The following EML4 variants were observed in gnomAD, a reference collection of about 807,000 sequenced individuals.
EML4 encodes EMAP like 4.
EML4 carries 72 observed loss-of-function variants against 129.0 expected under a neutral mutation model. The observed-to-expected ratio is 0.56, with a 90% CI of 0.46 to 0.68. The LOEUF (loss-of-function observed/expected upper bound fraction) is 0.68. EML4 is among the 30% of genes least tolerant of loss of function. The pLI, the probability that EML4 is intolerant of heterozygous loss-of-function variation, is 0.00. For synonymous variants in EML4, 532 were observed against 405.0 expected (o/e 1.31, Z -3.77); for missense variants, 1,363 against 1,190.6 (o/e 1.14, Z -2.13).
In EML4 at chr2:42,208,301, C is replaced by A. The variant is rs930747329; in HGVS notation, c.26-37204C>A. On this transcript the variant is annotated intron_variant, in intron 1 of 22. Coordinates refer to ENST00000318522, the MANE Select transcript of EML4 (RefSeq NM_019063.5). ...AATTTTGCCTTACATCATTTAGAACCAGATTTTTTTAAAGTTCTGATTTTG... is the reference window on the plus strand; with the variant it reads ...AATTTTGCCTTACATCATTTAGAACAAGATTTTTTTAAAGTTCTGATTTTG... Among the ~76,000 whole-genome samples, 13 of 151,902 alleles carry A rather than the reference C, an allele frequency of 8.6e-5. No individual in the cohort carries two copies. The East Asian group carries it at 1.9e-3, about 23-fold the overall frequency.
At chr2:42,233,312 T>TC (rs201820883) in intron 1 of EML4, among the ~76,000 whole-genome samples, 76 of 149,020 alleles carry the variant, frequency 5.1e-4, no homozygotes, top group African/African-American at 1.1e-3. Flanking sequence ...TTTCTTTCTT[T>TC]TTTTTTTTTT....
rs185964503 is a variant in EML4 at position 42,238,563 on chromosome 2, T to G, written c.26-6942T>G. On this transcript the variant is annotated intron_variant, in intron 1 of 22. Transcript: ENST00000318522. ...TTCAAGACCAGCTTGGGCAATATTG[T>G]GAGACCCATCTCTACAAAAAAGAAA... Among the ~76,000 whole-genome samples, 572 of 152,324 alleles carry G rather than the reference T, an allele frequency of 3.8e-3. 4 individuals carry two copies. Among genetic ancestry groups the G allele is most frequent in the African/African-American group, 0.013 (536 of 41,568 alleles).
At chr2:42,208,252 C>T (rs1386338099) in intron 1 of EML4, among the ~76,000 whole-genome samples, 3 of 152,078 alleles carry the variant, frequency 2.0e-5, no homozygotes, top group Admixed American at 2.0e-4. Flanking sequence ...AATTTTCATT[C>T]TCAAACCTAC....
At chr2:42,281,397 GAAA>G (rs60523483) in intron 7 of EML4, among the ~76,000 whole-genome samples, 1 of 112,088 alleles carries the variant, frequency 8.9e-6, no homozygotes, top group African/African-American at 3.1e-5. Context: ...TGTCTCAAAA[GAAA>G]AAAAAAAAAA....
chr2:42,287,597 C>A (rs1333315394), intron 10 of EML4, among the ~76,000 whole-genome samples: 1 of 152,080 alleles, frequency 6.6e-6, no homozygotes, highest in South Asian at 2.1e-4. Flanking sequence ...TTTTAAAAAG[C>A]ATTTAATATC....
chr2:42,229,771 G>C (rs190407632), intron 1 of EML4, among the ~76,000 whole-genome samples: 3 of 152,086 alleles, frequency 2.0e-5, no homozygotes, highest in African/African-American at 7.2e-5. Context: ...CCACTAATGC[G>C]AGAACATCTG....
In EML4 at chr2:42,332,093, CATGT is replaced by C. The variant is rs1670133143; in HGVS notation, c.*1887_*1890del. 1 of 221,556 alleles carries C rather than the reference CATGT, an allele frequency of 4.5e-6. No homozygotes were observed. The highest frequency in any genetic ancestry group is 1.9e-4 in the South Asian group (1 of 5,394). 13.7% of individuals were successfully genotyped at this position (221,556 alleles called of 1,614,324 possible). On this transcript the variant is annotated 3_prime_UTR_variant, in exon 23 of 23. Coordinates refer to ENST00000318522, the MANE Select transcript of EML4 (RefSeq NM_019063.5). ...AATGATTATTACATCATCAGATCAG[CATGT>C]GCTATACTCCCTGCAAGAAATATAC... is the stretch of plus-strand genomic sequence containing the variant.
Position 42,295,105 on chromosome 2 carries a change from C to G in EML4, c.1219-20C>G. 1 of 1,597,242 alleles carries G rather than the reference C, an allele frequency of 6.3e-7. No homozygotes were observed. The highest frequency in any genetic ancestry group is 8.5e-7 in the Non-Finnish European group (1 of 1,173,854). ...GATAAGGATATACATTCATCTAAAG[C>G]TTTATTTCCCTTTTCATAGACAACA... On this transcript the variant is annotated intron_variant, in intron 11 of 22. Transcript: ENST00000318522.
chr2:42,287,185 G>C (rs978056695), intron 10 of EML4, among the ~76,000 whole-genome samples: 2 of 152,258 alleles, frequency 1.3e-5, no homozygotes, highest in South Asian at 4.1e-4. Context: ...ATGGAGGAAA[G>C]GACACTTTTA....
At chr2:42,238,306 C>A (rs575398274) in intron 1 of EML4, among the ~76,000 whole-genome samples, 2 of 152,228 alleles carry the variant, frequency 1.3e-5, no homozygotes, top group Admixed American at 1.3e-4. Context: ...TTAGAGACTT[C>A]TCATATAAAC....
At chr2:42,286,618 C>T (rs1487811655) in intron 10 of EML4, among the ~76,000 whole-genome samples, 2 of 152,118 alleles carry the variant, frequency 1.3e-5, no homozygotes, top group African/African-American at 4.8e-5. Flanking sequence ...AATTATGCTG[C>T]CTTGAGGTAG....
At chr2:42,240,976 A>C (rs1283696573) in intron 1 of EML4, among the ~76,000 whole-genome samples, 10 of 152,052 alleles carry the variant, frequency 6.6e-5, no homozygotes, top group Non-Finnish European at 1.5e-5. Flanking sequence ...AAAACTCCAT[A>C]TCTACAAAAA....
intron 1 of EML4, among the ~76,000 whole-genome samples, chr2:42,217,401 A>T (rs1030706075): frequency 2.3e-4 from 35 of 152,296 alleles, no homozygotes; most frequent in African/African-American, 8.2e-4. Flanking sequence ...CTGTAAAAAA[A>T]ATTCTTATAT....
chr2:42,295,190 C>G lies in EML4; in HGVS notation c.1284C>G (p.Cys428Trp). Residue 428 changes from cysteine to tryptophan, a missense_variant, in exon 12 of 23, where the codon TGC becomes TGG. By Grantham distance (215) the Cys-to-Trp change is radical. Coordinates refer to ENST00000318522, the MANE Select transcript of EML4 (RefSeq NM_019063.5). ...HPTDANTIIT[C>W]GKSHIFFWTW... ...CAGATGCAAATACCATAATTACATG[C>G]GGTAAATCTCATATTTTCTTCTGGA... The G allele has an allele frequency of 6.2e-7, 1 of 1,612,704 alleles. No homozygotes were observed. Among genetic ancestry groups the G allele is most frequent in the Non-Finnish European group, 8.5e-7 (1 of 1,179,368 alleles).
At chr2:42,244,330 C>G (rs1675242460) in intron 1 of EML4, among the ~76,000 whole-genome samples, 2 of 152,208 alleles carry the variant, frequency 1.3e-5, no homozygotes, top group Admixed American at 1.3e-4. Context: ...ATCTCCTGAC[C>G]TCATGATCTG....
chr2:42,192,695 C>T (rs567095627), intron 1 of EML4, among the ~76,000 whole-genome samples: 4 of 152,138 alleles, frequency 2.6e-5, no homozygotes, highest in Non-Finnish European at 4.4e-5. Flanking sequence ...AAACCCCAGA[C>T]ATTAAAGCAT....
intron 1 of EML4, among the ~76,000 whole-genome samples, chr2:42,192,211 G>GT (rs139657050): frequency 0.19 from 26,317 of 138,962 alleles, 3,035 homozygotes; most frequent in African/African-American, 0.33. Flanking sequence ...TTCTTTGCTG[G>GT]TTTTTTTTTG....
At chr2:42,300,103 C>T (rs1183617773) in intron 13 of EML4, among the ~76,000 whole-genome samples, 1 of 152,164 alleles carries the variant, frequency 6.6e-6, no homozygotes, top group African/African-American at 2.4e-5. Flanking sequence ...TTTTTAAAAT[C>T]TATTCATCAG....
intron 1 of EML4, among the ~76,000 whole-genome samples, chr2:42,243,195 C>G (rs1252471869): frequency 6.6e-6 from 1 of 151,974 alleles, no homozygotes; most frequent in Non-Finnish European, 1.5e-5. Context: ...CTACTAGGAC[C>G]AAGAAATATG....
Sources: gnomAD v4.1 joint callset for allele counts (sites outside exome capture counted in the v4.1 genomes callset) on GRCh38, gnomAD v4.1.1 for gene constraint, MANE v1.5 for transcripts, NCBI Gene and HGNC (gene_info 2026-07-23, HGNC 2026-07-21) for gene names.